The following ADK variants were observed in gnomAD, a reference collection of about 807,000 sequenced individuals.
ADK encodes the protein N6,N6-dimethyladenosine kinase.
In ADK, 24 loss-of-function variants were observed where a neutral mutation model predicts 44.7. That is an observed-to-expected ratio of 0.54 (90% CI 0.39 to 0.76). The LOEUF is 0.76. ADK is among the 30% of genes least tolerant of loss of function. The pLI, the probability that ADK is intolerant of heterozygous loss-of-function variation, is 0.00. For synonymous variants in ADK, 128 were observed against 142.6 expected, an observed-to-expected ratio of 0.90 and a Z score of 0.73; for missense variants, 321 against 425.1, an observed-to-expected ratio of 0.76 and a Z score of 2.15.
intron 6 of ADK, among the ~76,000 whole-genome samples, chr10:74,424,531 G>A (rs146555246): frequency 3.2e-4 from 9 of 27,820 alleles, no homozygotes; most frequent in Admixed American, 6.4e-4. Flanking sequence ...GCAAAACTCC[G>A]TCTCAAAAAA....
chr10:74,369,336 A>G (rs2131968258), intron 4 of ADK, among the ~76,000 whole-genome samples: 1 of 152,316 alleles, frequency 6.6e-6, no homozygotes, highest in Non-Finnish European at 1.5e-5. Context: ...AGCCTCAGAG[A>G]CAGAGCAGTA....
At chr10:74,325,141 T>G (rs976324283) in intron 4 of ADK, among the ~76,000 whole-genome samples, 2 of 152,214 alleles carry the variant, frequency 1.3e-5, no homozygotes, top group African/African-American at 4.8e-5. Flanking sequence ...GTCTTTTATT[T>G]GTGTCTTCTT....
At chr10:74,477,790 TC>T (rs933117792) in intron 6 of ADK, among the ~76,000 whole-genome samples, 1 of 152,162 alleles carries the variant, frequency 6.6e-6, no homozygotes, top group African/African-American at 2.4e-5. Flanking sequence ...TTCTCCTCCC[TC>T]CTGCAAATTT....
chr10:74,657,874 A>G (rs1262193181), intron 9 of ADK, among the ~76,000 whole-genome samples: 1 of 152,180 alleles, frequency 6.6e-6, no homozygotes, highest in Non-Finnish European at 1.5e-5. Context: ...CATAAAAGAG[A>G]ATAATCAGTT....
At chr10:74,664,536 A>G (rs2134178762) in intron 9 of ADK, among the ~76,000 whole-genome samples, 1 of 152,286 alleles carries the variant, frequency 6.6e-6, no homozygotes, top group African/African-American at 2.4e-5. Flanking sequence ...TAAATTAAAA[A>G]CAAGCACAAC....
chr10:74,241,813 C>T (rs1288544292), intron 3 of ADK, among the ~76,000 whole-genome samples: 1 of 152,354 alleles, frequency 6.6e-6, no homozygotes, highest in Middle Eastern at 3.4e-3. Flanking sequence ...AGTGATCCTC[C>T]TGCCTGAGCC....
intron 9 of ADK, among the ~76,000 whole-genome samples, chr10:74,653,555 G>A (rs1435462154): frequency 6.6e-6 from 1 of 152,112 alleles, no homozygotes; most frequent in Non-Finnish European, 1.5e-5. Flanking sequence ...AGAATGGTGA[G>A]GAACACAACC....
At chr10:74,159,271 T>G (rs1048004794) in intron 1 of ADK, among the ~76,000 whole-genome samples, 8 of 152,218 alleles carry the variant, frequency 5.3e-5, no homozygotes, top group Non-Finnish European at 1.0e-4. Context: ...TGTATAGCAA[T>G]TATGTAAGAA....
chr10:74,556,816 A>G (rs1001428871), intron 7 of ADK, among the ~76,000 whole-genome samples: 3 of 152,216 alleles, frequency 2.0e-5, no homozygotes, highest in Admixed American at 6.5e-5. Flanking sequence ...ATAGCAGTTT[A>G]TCTATAGAAA....
intron 6 of ADK, among the ~76,000 whole-genome samples, chr10:74,495,150 G>T: frequency 6.6e-6 from 1 of 151,840 alleles, no homozygotes; most frequent in East Asian, 1.9e-4. Flanking sequence ...AAATAATAAT[G>T]ATGTAGATCT....
At chr10:74,381,533 A>T (rs1842976593) in intron 4 of ADK, among the ~76,000 whole-genome samples, 1 of 152,240 alleles carries the variant, frequency 6.6e-6, no homozygotes, top group South Asian at 2.1e-4. Flanking sequence ...GACTTAAAAC[A>T]CCATAAAGCA....
At chr10:74,232,521 CA>C (rs1036488370) in intron 3 of ADK, among the ~76,000 whole-genome samples, 52 of 123,606 alleles carry the variant, frequency 4.2e-4, no homozygotes, top group Non-Finnish European at 7.8e-4. Flanking sequence ...GAACCCGTCT[CA>C]AAAAACAAAC....
At chr10:74,644,592 G>A (rs780637515) in intron 9 of ADK, among the ~76,000 whole-genome samples, 4 of 152,150 alleles carry the variant, frequency 2.6e-5, no homozygotes, top group Admixed American at 6.5e-5. Flanking sequence ...GGAGTTCAGG[G>A]ATGCAATCAT....
At chr10:74,317,521 T>G (rs1840664857) in intron 4 of ADK, among the ~76,000 whole-genome samples, 1 of 150,646 alleles carries the variant, frequency 6.6e-6, no homozygotes, top group South Asian at 2.1e-4. Flanking sequence ...AGTCCAGTAG[T>G]TTGAGACCAG....
intron 9 of ADK, among the ~76,000 whole-genome samples, chr10:74,661,026 T>G (rs1854703109): frequency 6.6e-6 from 1 of 151,848 alleles, no homozygotes; most frequent in Admixed American, 6.6e-5. Context: ...AGCAAGACTC[T>G]GTCTCAAAGA....
intron 7 of ADK, among the ~76,000 whole-genome samples, chr10:74,535,579 T>A (rs1849420814): frequency 6.7e-6 from 1 of 148,296 alleles, no homozygotes; most frequent in Non-Finnish European, 1.5e-5. Context: ...GTTTTGACCC[T>A]ATTTTTTTTT....
intron 9 of ADK, among the ~76,000 whole-genome samples, chr10:74,658,700 A>T (rs755394380): frequency 3.3e-5 from 5 of 152,064 alleles, no homozygotes; most frequent in African/African-American, 4.8e-5. Context: ...AGGCTCTGGG[A>T]TTACAGGCAT....
At chr10:74,506,725 C>T (rs989896383) in intron 6 of ADK, 4 of 152,084 alleles carry the variant, frequency 2.6e-5, no homozygotes, top group South Asian at 2.1e-4. Context: ...CAAATGCTGC[C>T]GTGTATGGTC....
chr10:74,677,082 C>T (rs1294592087), intron 10 of ADK, among the ~76,000 whole-genome samples: 1 of 151,888 alleles, frequency 6.6e-6, no homozygotes, highest in Non-Finnish European at 1.5e-5. Context: ...CCATTTCTAC[C>T]AAAAATAAAA....
Sources: allele counts gnomAD v4.1 joint callset (sites outside exome capture counted in the v4.1 genomes callset), GRCh38; gene constraint gnomAD v4.1.1; transcripts MANE v1.5; gene names NCBI Gene and HGNC (gene_info 2026-07-23, HGNC 2026-07-21).